The following GGNBP2 variants were observed in gnomAD, a reference collection of about 807,000 sequenced individuals.
GGNBP2 encodes gametogenetin-binding protein 2.
Under a neutral mutation model 85.9 loss-of-function variants are expected in GGNBP2, and 10 were observed. The ratio of observed to expected loss-of-function variants is 0.12; its 90% CI spans 0.07 to 0.20. GGNBP2 has a LOEUF of 0.20. Among genes scored for constraint, GGNBP2 ranks in the 10% least tolerant of loss-of-function variants. The pLI is 1.00. For synonymous variants in GGNBP2, 287 were observed against 285.7 expected, an observed-to-expected ratio of 1.00 and a Z score of -0.05; for missense variants, 595 against 857.8, an observed-to-expected ratio of 0.69 and a Z score of 3.83.
intron 6 of GGNBP2, among the ~76,000 whole-genome samples, chr17:36,569,023 G>T (rs1011938222): frequency 3.9e-5 from 6 of 152,192 alleles, no homozygotes; most frequent in Middle Eastern, 3.4e-3. Flanking sequence ...GAAGTGCTGG[G>T]ATTACAGGTG....
In GGNBP2 at chr17:36,567,796, C is replaced by G. The variant is rs1434449178; in HGVS notation, c.641+20C>G. ...ACACAGGTAAGTCTGATGGTTGTTC[C>G]AGTATAATGTGGAAGGTGCCTTATG... On this transcript the variant is annotated intron_variant, in intron 6 of 13. Coordinates refer to ENST00000613102, the MANE Select transcript of GGNBP2 (RefSeq NM_024835.5). The G allele has an allele frequency of 1.9e-5, 25 of 1,335,180 alleles. No homozygotes were observed. The highest frequency in any genetic ancestry group is 2.6e-5 in the Non-Finnish European group (24 of 929,142). 82.7% of individuals were successfully genotyped at this position (1,335,180 alleles called of 1,614,324 possible).
At chr17:36,567,269 GA>G (rs1239411516) in intron 5 of GGNBP2, among the ~76,000 whole-genome samples, 24 of 152,224 alleles carry the variant, frequency 1.6e-4, no homozygotes, top group Admixed American at 3.3e-4. Context: ...TTTATATAAA[GA>G]TATGAGCACA....
At chr17:36,567,592 C>T in intron 5 of GGNBP2, 71 bp from the exon 6 acceptor site, 1 of 736,034 alleles carries the variant, frequency 1.4e-6, no homozygotes, top group East Asian at 2.7e-5. Flanking sequence ...ATACTTTAAT[C>T]TGTTTTTTGT....
rs570657080 is a variant in GGNBP2 at position 36,587,583 on chromosome 17, T to G, written c.1890+338T>G. The stretch of plus-strand genomic sequence containing the variant: ...ACATCCCAATAAACCCTTTGTAAAG[T>G]TAAAAAAAAAAAATCCCAAATAAGG... On this transcript the variant is annotated intron_variant, in intron 13 of 13. Transcript: ENST00000613102. The G allele has an allele frequency of 6.8e-5, 16 of 236,932 alleles. No individual in the cohort carries two copies. The South Asian group carries it at 1.1e-3, about 16-fold the overall frequency. 14.7% of individuals were successfully genotyped at this position (236,932 alleles called of 1,614,324 possible).
At chr17:36,584,952 C>CAA (rs34371498) in intron 9 of GGNBP2, among the ~76,000 whole-genome samples, 54 of 122,158 alleles carry the variant, frequency 4.4e-4, no homozygotes, top group African/African-American at 1.0e-3. Context: ...AGACCGTACT[C>CAA]AAAAAAAAAA....
chr17:36,578,298 TA>T, intron 7 of GGNBP2, 112 bp downstream of exon 7: 1 of 767,038 alleles, frequency 1.3e-6, no homozygotes, highest in Admixed American at 2.9e-5. Flanking sequence ...ATGTATAAAT[TA>T]AAGTATGCCT....
chr17:36,561,149 A>C (rs1232613196), intron 5 of GGNBP2, among the ~76,000 whole-genome samples: 1 of 150,522 alleles, frequency 6.6e-6, no homozygotes, highest in Non-Finnish European at 1.5e-5. Flanking sequence ...TTTGAGACGG[A>C]GTCTCCCTTT....
chr17:36,580,281 C>T (rs547893944), intron 8 of GGNBP2, among the ~76,000 whole-genome samples: 9 of 150,092 alleles, frequency 6.0e-5, no homozygotes, highest in African/African-American at 2.2e-4. Context: ...GATCTCGGCT[C>T]ACTGCAAGCT....
chr17:36,545,641 A>AGCGGCG lies in GGNBP2; in HGVS notation c.-78_-73dup. The AGCGGCG allele has an allele frequency of 9.4e-7, 1 of 1,062,892 alleles. No individual in the cohort carries two copies. The allele number at this position is 1,062,892 out of a possible 1,614,324, so 65.8% of individuals were successfully genotyped here. A position where few individuals can be genotyped will look rare whatever the true frequency, so the allele number is the denominator to read the frequency against. ...CAGGCAGGAGCTGGGAGGAGGCGGC[A>AGCGGCG]GCGGCGGCGGCAGAAACAGCAGCGG... is the stretch of plus-strand genomic sequence containing the variant. On this transcript the variant is annotated 5_prime_UTR_variant, in exon 2 of 14. Coordinates refer to ENST00000613102, the MANE Select transcript of GGNBP2 (RefSeq NM_024835.5).
In GGNBP2 at chr17:36,560,697, A is replaced by C; in HGVS notation, c.429-76A>C. ...GTGTTTTGTTTTGAGACTTCTCTCT[A>C]AAAGACAGTAAATAGAGATTTTAAA... On this transcript the variant is annotated intron_variant, in intron 4 of 13. Transcript: ENST00000613102. 4.7e-6 allele frequency: 4 copies of C among 848,636 alleles called. No individual in the cohort carries two copies. In the South Asian group the frequency reaches 7.4e-5, roughly 16 times the overall value. The allele number at this position is 848,636 out of a possible 1,614,324, so 52.6% of individuals were successfully genotyped here.
At chr17:36,579,220 A>G in intron 7 of GGNBP2, 25 bp from the exon 8 acceptor site, 1 of 1,600,344 alleles carries the variant, frequency 6.2e-7, no homozygotes, top group Non-Finnish European at 8.6e-7. Flanking sequence ...TAAAGGTATT[A>G]GTGTGTGATT....
chr17:36,564,195 G>A (rs1393161465), intron 5 of GGNBP2, among the ~76,000 whole-genome samples: 1 of 152,212 alleles, frequency 6.6e-6, no homozygotes, highest in African/African-American at 2.4e-5. Context: ...CCTGTTGGCT[G>A]AAGGCCTAAA....
chr17:36,569,287 G>A (rs1000557863), intron 6 of GGNBP2, among the ~76,000 whole-genome samples: 7 of 152,182 alleles, frequency 4.6e-5, no homozygotes, highest in African/African-American at 9.6e-5. Flanking sequence ...TGGCACGCAC[G>A]TGTAGTCCCA....
chr17:36,586,181 C>G lies in GGNBP2; in HGVS notation c.1624C>G (p.Leu542Val). The stretch of plus-strand genomic sequence containing the variant: ...AAAGAAGAAGAAGAAAAGCAAGATA[C>G]TGAAATGTGATGAACATGTAAGTGT... The part of the protein sequence containing the change: ...NKKKKKKSKI[L>V]KCDEHIQKLG... The change falls in exon 12 of 14, where the codon CTG (leucine) becomes GTG (valine). Residue 542 changes from leucine to valine, a missense_variant. Leu to Val is a conservative substitution (Grantham distance 32). Transcript: ENST00000613102. 6.2e-7 allele frequency: 1 copy of G among 1,612,534 alleles called. No homozygotes were observed.
At chr17:36,550,864 G>GT (rs1366782451) in intron 2 of GGNBP2, among the ~76,000 whole-genome samples, 2 of 152,298 alleles carry the variant, frequency 1.3e-5, no homozygotes, top group African/African-American at 4.8e-5. Flanking sequence ...TAAGGAAGTG[G>GT]TTTTAAAGAA....
intron 8 of GGNBP2, 72 bp downstream of exon 8, chr17:36,579,491 C>A: frequency 7.7e-7 from 1 of 1,301,928 alleles, no homozygotes; most frequent in Non-Finnish European, 1.1e-6. Flanking sequence ...TAATGTAAGC[C>A]ACCAGTGCCT....
intron 8 of GGNBP2, among the ~76,000 whole-genome samples, chr17:36,580,779 T>C (rs1005110342): frequency 6.6e-6 from 1 of 151,594 alleles, no homozygotes; most frequent in African/African-American, 2.4e-5. Flanking sequence ...AATCAGCCAG[T>C]GTGGTGGCGC....
chr17:36,559,296 CAAA>C (rs892895973), intron 4 of GGNBP2, among the ~76,000 whole-genome samples: 3 of 31,480 alleles, frequency 9.5e-5, no homozygotes, highest in East Asian at 9.3e-4. Context: ...GACTCTGTCT[CAAA>C]AAAAAAAAAA....
At chr17:36,575,635 TATATATA>T (rs2074570880) in intron 6 of GGNBP2, among the ~76,000 whole-genome samples, 5 of 53,850 alleles carry the variant, frequency 9.3e-5, no homozygotes, top group South Asian at 6.1e-4. Context: ...TATATATATA[TATATATA>T]TATATATTTT....
Sources: allele counts gnomAD v4.1 joint callset (sites outside exome capture counted in the v4.1 genomes callset), GRCh38; gene constraint gnomAD v4.1.1; transcripts MANE v1.5; gene names NCBI Gene and HGNC (gene_info 2026-07-23, HGNC 2026-07-21).